Variants in NT5C1B observed in about 807,000 individuals in gnomAD.
The protein encoded by NT5C1B is cytosolic 5'-nucleotidase 1B.
In NT5C1B, 44 loss-of-function variants were observed where a neutral mutation model predicts 57.8. The observed-to-expected ratio is 0.76, with a 90% confidence interval of 0.60 to 0.98. NT5C1B has a LOEUF of 0.98. NT5C1B is among the 50% of genes least tolerant of loss of function. The pLI is 0.00. For missense variants in NT5C1B, 742 were observed against 719.5 expected (o/e 1.03, Z -0.36); for synonymous variants, 284 against 282.6 (o/e 1.00, Z -0.05).
rs1666517193 is a variant in NT5C1B at position 18,584,658 on chromosome 2, GTA to G, written c.577_578del (p.Tyr193ProfsTer90). 1 of 1,613,040 alleles carries G rather than the reference GTA, an allele frequency of 6.2e-7. No individual in the cohort carries two copies. The highest frequency in any genetic ancestry group is 1.1e-5 in the South Asian group (1 of 90,932). On this transcript the variant is annotated frameshift_variant, in exon 4 of 9. Transcript: ENST00000304081. LOFTEE classifies it high-confidence loss of function. The surrounding 1 kb of genome is among the most constrained non-coding windows in gnomAD (Gnocchi z 5.8). ...TGCGGTCCAGCTGGGTGGAGGCGGG[GTA>G]GATCCCCCTGCGCTGGCTGGAGGAC... is the stretch of plus-strand genomic sequence containing the variant.
chr2:18,565,494 G>A (rs1664567798), intron 8 of NT5C1B, among the ~76,000 whole-genome samples: 1 of 152,120 alleles, frequency 6.6e-6, no homozygotes, highest in Non-Finnish European at 1.5e-5. Context: ...TTCTCCACAA[G>A]ATCTTATAAG....
chr2:18,566,273 T>A (rs1396149330), intron 8 of NT5C1B, among the ~76,000 whole-genome samples: 1 of 152,160 alleles, frequency 6.6e-6, no homozygotes, highest in Non-Finnish European at 1.5e-5. Flanking sequence ...TAGGGGAAGG[T>A]CAAGGGTAGT....
At chr2:18,576,714 G>A (rs564136779) in intron 7 of NT5C1B, 59 bp downstream of exon 7, 1 of 1,592,658 alleles carries the variant, frequency 6.3e-7, no homozygotes. Context: ...GAAACTTAAT[G>A]TAAGTCACCA....
intron 8 of NT5C1B, among the ~76,000 whole-genome samples, chr2:18,570,041 C>A (rs1439838288): frequency 6.6e-6 from 1 of 151,952 alleles, no homozygotes; most frequent in East Asian, 1.9e-4. Context: ...TTTGTTTCAA[C>A]AATAGAAAGA....
intron 6 of NT5C1B, among the ~76,000 whole-genome samples, chr2:18,580,569 A>G (rs1035478449): frequency 2.0e-5 from 3 of 152,184 alleles, no homozygotes; most frequent in Non-Finnish European, 2.9e-5. Context: ...GAGCCGAGAT[A>G]GCACTATTGC....
chr2:18,572,750 C>T (rs559528654), intron 8 of NT5C1B, among the ~76,000 whole-genome samples: 11 of 152,110 alleles, frequency 7.2e-5, no homozygotes, highest in Non-Finnish European at 1.6e-4. Context: ...ATTTTTTTAT[C>T]AACACTAAAA....
rs200128345 is a variant in NT5C1B, at chr2:18,584,082, G to A, written c.891+6C>T. 3 of 1,614,210 alleles carry A rather than the reference G, an allele frequency of 1.9e-6. No individual in the cohort carries two copies. Among genetic ancestry groups the A allele is most frequent in the African/African-American group, 2.7e-5 (2 of 75,044 alleles). On this transcript the variant is annotated splice_donor_region_variant and intron_variant, in intron 5 of 8. Coordinates refer to ENST00000304081, the Ensembl canonical transcript of NT5C1B. The surrounding 1 kb of genome is among the most constrained non-coding windows in gnomAD (Gnocchi z 5.8). ...CCTGGCGGGCCAAAGACAGCTTGCA[G>A]AATACCTTGACGAAGCGGAACGCCG...
intron 8 of NT5C1B, among the ~76,000 whole-genome samples, chr2:18,566,028 T>C (rs1664612681): frequency 6.6e-6 from 1 of 152,234 alleles, no homozygotes; most frequent in South Asian, 2.1e-4. Flanking sequence ...GACTATTGCA[T>C]TTTTACTTTA....
At chr2:18,579,578 G>T (rs1400101176) in intron 6 of NT5C1B, among the ~76,000 whole-genome samples, 3 of 152,148 alleles carry the variant, frequency 2.0e-5, no homozygotes, top group African/African-American at 7.2e-5. Context: ...GGGATAACTG[G>T]CTAGCTATAT....
At chr2:18,563,766 C>A (rs1196974465) in exon 9 of NT5C1B, 1 of 1,491,490 alleles carries the variant, frequency 6.7e-7, no homozygotes, top group Non-Finnish European at 9.0e-7. Context: ...TAACACCAGA[C>A]TATCACCACT....
chr2:18,587,012 C>T, intron 2 of NT5C1B: 1 of 1,614,232 alleles, frequency 6.2e-7, no homozygotes, highest in Non-Finnish European at 8.5e-7. Flanking sequence ...TGGTGATCTG[C>T]TGGCCCTGCT....
Position 18,584,779 on chromosome 2 carries a change from G to C in NT5C1B, c.458C>G (p.Pro153Arg). Reference sequence around the variant, plus strand: ...CACGATGCCTTGGGCCCAGGCCTCCGGATTCTCTTGCATTTTGGTGCTGCG... The same window carrying C: ...CACGATGCCTTGGGCCCAGGCCTCCCGATTCTCTTGCATTTTGGTGCTGCG... Residue 153 changes from proline (P) to arginine (R), a missense_variant, in exon 4 of 9, where the codon CCG becomes CGG. Pro to Arg is a moderately radical substitution (Grantham distance 103). Transcript: ENST00000304081. The surrounding 1 kb of genome is among the most constrained non-coding windows in gnomAD (Gnocchi z 5.8). 6.2e-7 allele frequency: 1 copy of C among 1,613,614 alleles called. No homozygotes were observed. The highest frequency in any genetic ancestry group is 8.5e-7 in the Non-Finnish European group (1 of 1,179,832).
intron 8 of NT5C1B, among the ~76,000 whole-genome samples, chr2:18,565,276 T>C (rs1664544181): frequency 6.6e-6 from 1 of 152,202 alleles, no homozygotes; most frequent in Admixed American, 6.5e-5. Flanking sequence ...TTTAATTCTA[T>C]GGTTAAGTAT....
At chr2:18,564,231 A>T (rs1252002385) in intron 8 of NT5C1B, 112 bp from the exon 9 acceptor site, 8 of 1,213,564 alleles carry the variant, frequency 6.6e-6, no homozygotes, top group Non-Finnish European at 7.6e-6. Flanking sequence ...ATACAGCATG[A>T]CATGCAGTGT....
In NT5C1B at chr2:18,584,843, G is replaced by C; in HGVS notation, c.394C>G (p.Arg132Gly). ...TCGGGCTCTGGGGGCGTGGGAGGCCGCGAGTCCAGCGACCGGGGCAGCTGG... is the reference window on the plus strand; with the variant it reads ...TCGGGCTCTGGGGGCGTGGGAGGCCCCGAGTCCAGCGACCGGGGCAGCTGG... Residue 132 changes from arginine (R) to glycine (G), a missense_variant, in exon 4 of 9, where the codon CGG becomes GGG. By Grantham distance (125) the Arg-to-Gly change is moderately radical (BLOSUM62 -2). Transcript: ENST00000304081. This position sits in a 1 kb window ranked among gnomAD's most constrained non-coding sequence, Gnocchi z 5.8. The C allele has an allele frequency of 6.2e-7, 1 of 1,608,996 alleles. No individual in the cohort carries two copies. The highest frequency in any genetic ancestry group is 1.7e-4 in the Middle Eastern group (1 of 5,998).
intron 8 of NT5C1B, among the ~76,000 whole-genome samples, chr2:18,568,218 A>G (rs1275065432): frequency 3.3e-5 from 5 of 152,190 alleles, no homozygotes; most frequent in Non-Finnish European, 1.5e-5. Flanking sequence ...CCAAAGATAC[A>G]AAATTCATAA....
At chr2:18,587,251 C>A in intron 2 of NT5C1B, 1 of 1,520,430 alleles carries the variant, frequency 6.6e-7, no homozygotes, top group Non-Finnish European at 8.8e-7. Flanking sequence ...GACCAGTCTC[C>A]CCCCTGTGTA....
intron 6 of NT5C1B, 78 bp downstream of exon 6, chr2:18,582,790 C>A: frequency 6.4e-7 from 1 of 1,555,874 alleles, no homozygotes; most frequent in African/African-American, 1.4e-5. Context: ...TTTGGTTAAG[C>A]CACAGTTAGC....
chr2:18,564,504 G>T (rs1187740232), intron 8 of NT5C1B, among the ~76,000 whole-genome samples: 2 of 152,108 alleles, frequency 1.3e-5, no homozygotes, highest in Non-Finnish European at 2.9e-5. Flanking sequence ...CTTTTAATTT[G>T]CTTTTTGTGA....
Sources: gnomAD v4.1 joint callset for allele counts (sites outside exome capture counted in the v4.1 genomes callset) on GRCh38, gnomAD v4.1.1 for gene constraint, Gnocchi (gnomAD v3.1) non-coding constraint, MANE v1.5 for transcripts, NCBI Gene and HGNC (gene_info 2026-07-23, HGNC 2026-07-21) for gene names.